CRY2: variants seen among roughly 807,000 people sequenced by gnomAD.
CRY2 encodes cryptochrome circadian regulator 2.
A neutral mutation model predicts 69.5 loss-of-function variants in CRY2; 31 were observed. That is an observed-to-expected ratio of 0.45 (90% CI 0.34 to 0.60). CRY2 has a LOEUF of 0.60. Ranked by LOEUF, CRY2 falls within the 20% of genes least tolerant of loss-of-function variation. CRY2 has a pLI of 0.02. For missense variants in CRY2, 606 were observed against 797.8 expected, an observed-to-expected ratio of 0.76 and a Z score of 2.90; for synonymous variants, 303 against 312.2, an observed-to-expected ratio of 0.97 and a Z score of 0.31.
In CRY2 at chr11:45,869,002, G is replaced by C. The variant is rs184329864; in HGVS notation, c.883-504G>C. On this transcript the variant is annotated intron_variant, in intron 6 of 11. Coordinates refer to ENST00000616080, the MANE Select transcript of CRY2 (RefSeq NM_021117.5). ...TTTGTGGCATGGGATAGCTTTGCCA[G>C]TTTGGTGAGTAATCTTGTGACTTTA... is the stretch of plus-strand genomic sequence containing the variant. 1.4e-4 allele frequency among the ~76,000 whole-genome samples: 21 copies of C among 152,328 alleles called. No individual in the cohort carries two copies. The East Asian group carries it at 3.9e-3, about 28-fold the overall frequency.
chr11:45,856,605 G>A (rs1462626738), intron 2 of CRY2, among the ~76,000 whole-genome samples: 1 of 152,188 alleles, frequency 6.6e-6, no homozygotes, highest in Non-Finnish European at 1.5e-5. Context: ...GGCCATCCTG[G>A]CTAACATGGT....
chr11:45,860,943 T>C lies in CRY2; in HGVS notation c.563T>C (p.Leu188Ser), dbSNP rs777664189. 1.2e-6 allele frequency: 2 copies of C among 1,614,130 alleles called. No homozygotes were observed. The highest frequency in any genetic ancestry group is 1.7e-6 in the Non-Finnish European group (2 of 1,180,040). The change falls in exon 4 of 12, where the codon TTG becomes TCG. Residue 188 changes from leucine to serine, a missense_variant. Transcript: ENST00000616080. ...RMELPKKPVG[L>S]VTSQQMESCR... ...GAGCTGCCCAAGAAGCCAGTGGGCT[T>C]GGTGACCAGCCAGCAGATGGAGAGC...
chr11:45,847,546 C>A lies in CRY2; in HGVS notation c.56C>A (p.Thr19Lys). The A allele has an allele frequency of 6.3e-7, 1 of 1,589,500 alleles. No homozygotes were observed. The highest frequency in any genetic ancestry group is 8.5e-7 in the Non-Finnish European group (1 of 1,171,620). The change falls in exon 1 of 12, where the codon ACG becomes AAG. Residue 19 changes from threonine to lysine, a missense_variant. Thr to Lys is a moderately conservative substitution (Grantham distance 78, BLOSUM62 -1). Transcript: ENST00000616080. ...AAVAPAPAPG[T>K]DSASSVHWFR... ...GTGGCCCCGGCGCCAGCGCCCGGCA[C>A]GGACAGCGCCTCTTCGGTGCACTGG...
chr11:45,878,049 T>C (rs1425894652), intron 11 of CRY2, among the ~76,000 whole-genome samples: 1 of 152,232 alleles, frequency 6.6e-6, no homozygotes, highest in African/African-American at 2.4e-5. Context: ...ATGTCTGAAT[T>C]GTTATCATTA....
At chr11:45,860,747 C>A in intron 3 of CRY2, 101 bp from the exon 4 acceptor site, 1 of 1,354,314 alleles carries the variant, frequency 7.4e-7, no homozygotes, top group Non-Finnish European at 1.0e-6. Context: ...ATGAGGAAAG[C>A]CACCCTCAAA....
intron 2 of CRY2, 158 bp downstream of exon 2, chr11:45,856,248 T>C: frequency 1.6e-6 from 1 of 632,268 alleles, no homozygotes; most frequent in Non-Finnish European, 2.7e-6. Flanking sequence ...GCCAGTTAGC[T>C]TGCTCTTGGA....
upstream of CRY2, chr11:45,847,204 G>A: frequency 3.9e-6 from 6 of 1,549,606 alleles, no homozygotes; most frequent in Non-Finnish European, 5.2e-6. Context: ...GCACTCCGCG[G>A]ACAGCCCCAG....
At chr11:45,857,077 A>G (rs2086246215) in intron 2 of CRY2, among the ~76,000 whole-genome samples, 1 of 152,158 alleles carries the variant, frequency 6.6e-6, no homozygotes, top group Admixed American at 6.5e-5. Flanking sequence ...CAAAAGGAAA[A>G]GTCATGTCAA....
At chr11:45,871,005 G>A in intron 10 of CRY2, 71 bp downstream of exon 10, 1 of 1,330,414 alleles carries the variant, frequency 7.5e-7, no homozygotes, top group Non-Finnish European at 1.1e-6. Context: ...TCAGGACTGA[G>A]GCCAGAAGGA....
In CRY2 at chr11:45,848,633, A is replaced by G. The variant is rs116342951; in HGVS notation, c.215+928A>G. Among the ~76,000 whole-genome samples the G allele has an allele frequency of 8.8e-3, 1,342 of 152,354 alleles. 12 individuals are homozygous for G. The highest frequency in any genetic ancestry group is 0.031 in the African/African-American group (1,281 of 41,572). On this transcript the variant is annotated intron_variant, in intron 1 of 11. Transcript: ENST00000616080. ...TTAGTGTATTTTCACTGTAAACAGT[A>G]TTCAAACTAAAGAGTTTTGAGACAT...
At chr11:45,849,622 A>AT (rs71038866) in intron 1 of CRY2, among the ~76,000 whole-genome samples, 59,481 of 141,002 alleles carry the variant, frequency 0.42, 13,895 homozygotes, top group Middle Eastern at 0.55. Flanking sequence ...CCCCAATTCT[A>AT]TTTTTTTTTT....
chr11:45,870,896 A>C lies in CRY2; in HGVS notation c.1604A>C (p.Glu535Ala), dbSNP rs1565062874. ...CVEDLSHPVA[E>A]PSSSQAGSMS... ...GAAGACCTCAGTCACCCTGTGGCAGAGCCCAGCTCGAGCCAGGCTGGCAGC... is the reference window on the plus strand; with the variant it reads ...GAAGACCTCAGTCACCCTGTGGCAGCGCCCAGCTCGAGCCAGGCTGGCAGC... The change falls in exon 10 of 12, where the codon GAG (glutamate) becomes GCG (alanine). Residue 535 changes from glutamate to alanine, a missense_variant. This residue lies in a region of CRY2 where 173 missense variants were observed against 213.7 expected (regional missense o/e 0.81). Transcript: ENST00000616080. 6.2e-7 allele frequency: 1 copy of C among 1,613,096 alleles called. No individual in the cohort carries two copies. Among genetic ancestry groups the C allele is most frequent in the Non-Finnish European group, 8.5e-7 (1 of 1,180,012 alleles).
At position 45,870,755 on chromosome 11, in the gene CRY2, T is replaced by C. The variant is rs2086372733; in HGVS notation, c.1550-87T>C. On this transcript the variant is annotated intron_variant, in intron 9 of 11. Coordinates refer to ENST00000616080, the MANE Select transcript of CRY2 (RefSeq NM_021117.5). ...GAACCTCAGTGTCTTGCTCCTACCC[T>C]CCCCACCCCCACTTGCTTCATCCTG... is the stretch of plus-strand genomic sequence containing the variant. 8.1e-6 allele frequency: 10 copies of C among 1,232,172 alleles called. No individual in the cohort carries two copies. The South Asian group carries it at 1.3e-4, about 16-fold the overall frequency. 76.3% of individuals were successfully genotyped at this position (1,232,172 alleles called of 1,614,324 possible).
chr11:45,876,074 G>A (rs1321047566), intron 11 of CRY2, among the ~76,000 whole-genome samples: 1 of 152,252 alleles, frequency 6.6e-6, no homozygotes, highest in African/African-American at 2.4e-5. Context: ...AGGGAGACTT[G>A]CCCCTCTTTC....
At chr11:45,861,125 T>A in intron 4 of CRY2, 93 bp downstream of exon 4, 2 of 1,410,108 alleles carry the variant, frequency 1.4e-6, no homozygotes, top group Non-Finnish European at 1.9e-6. Context: ...TATAGAAAGG[T>A]TAGAAAGCAC....
chr11:45,876,438 C>A (rs1030983683), intron 11 of CRY2, among the ~76,000 whole-genome samples: 4 of 152,184 alleles, frequency 2.6e-5, no homozygotes, highest in Non-Finnish European at 1.5e-5. Context: ...ACAAGCCAGC[C>A]CCCAAATAGC....
Position 45,882,431 on chromosome 11 carries a change from C to A in CRY2, c.*1520C>A. On this transcript the variant is annotated 3_prime_UTR_variant, in exon 12 of 12. Coordinates refer to ENST00000616080, the MANE Select transcript of CRY2 (RefSeq NM_021117.5). ...GCCTCAGATCTGTTAATTCTTTTGG[C>A]CCCAGCCCTGTCCCTCACTGTCCTC... 2.5e-6 allele frequency: 1 copy of A among 395,318 alleles called. No homozygotes were observed. The allele number at this position is 395,318 out of a possible 1,614,324, so 24.5% of individuals were successfully genotyped here.
intron 6 of CRY2, chr11:45,867,999 G>A: frequency 2.0e-6 from 1 of 512,704 alleles, no homozygotes; most frequent in Non-Finnish European, 3.4e-6. Context: ...AGGACAGGCA[G>A]AAAAGCAGGC....
intron 5 of CRY2, among the ~76,000 whole-genome samples, chr11:45,863,549 G>C (rs61882469): frequency 0.024 from 3,620 of 151,522 alleles, 77 homozygotes; most frequent in Non-Finnish European, 0.036. Context: ...CTGATTTCAG[G>C]ATGTTTATTT....
Sources: gnomAD v4.1 joint callset for allele counts (sites outside exome capture counted in the v4.1 genomes callset) on GRCh38, gnomAD v4.1.1 for gene constraint, gnomAD v4.1.1 regional missense constraint, MANE v1.5 for transcripts, NCBI Gene and HGNC (gene_info 2026-07-23, HGNC 2026-07-21) for gene names.